Variants in PRRG1 observed in about 807,000 individuals in gnomAD.
PRRG1 encodes the protein proline rich and Gla domain 1, also known as transmembrane gamma-carboxyglutamic acid protein 1.
Under a neutral mutation model 11.8 loss-of-function variants are expected in PRRG1, and 5 were observed. The observed-to-expected ratio is 0.42, with a 90% CI of 0.22 to 0.89. PRRG1 has a LOEUF of 0.89. PRRG1 is among the 40% of genes least tolerant of loss of function. The pLI is 0.28. For missense variants in PRRG1, 155 were observed against 166.1 expected, an observed-to-expected ratio of 0.93 and a Z score of 0.37; for synonymous variants, 66 against 60.4, an observed-to-expected ratio of 1.09 and a Z score of -0.43.
chrX:37,438,109 G>C (rs1042438276), intron 3 of PRRG1, among the ~76,000 whole-genome samples: 3 of 110,559 alleles, frequency 2.7e-5, no homozygotes, highest in Non-Finnish European at 5.7e-5. Context: ...CTACTCGAGA[G>C]GGGGAAGCAG....
chrX:37,403,185 G>A (rs1424470407), intron 1 of PRRG1, among the ~76,000 whole-genome samples: 14 of 109,835 alleles, frequency 1.3e-4, no homozygotes, highest in Non-Finnish European at 1.5e-4. Context: ...GCACACGTAT[G>A]TTTATTGTGG....
At chrX:37,446,667 A>C (rs1462039360) in intron 3 of PRRG1, among the ~76,000 whole-genome samples, 2 of 111,224 alleles carry the variant, frequency 1.8e-5, no homozygotes, top group Admixed American at 9.7e-5. Flanking sequence ...AGACTAATTT[A>C]TAGAGAGGAG....
chrX:37,426,430 CCT>C (rs1932774862), intron 3 of PRRG1, among the ~76,000 whole-genome samples: 1 of 111,872 alleles, frequency 8.9e-6, no homozygotes, highest in Admixed American at 9.5e-5. Context: ...CGAGAATACT[CCT>C]CTTTACTTCT....
chrX:37,366,853 GT>G (rs1930585983), intron 1 of PRRG1, among the ~76,000 whole-genome samples: 1 of 111,284 alleles, frequency 9.0e-6, no homozygotes, highest in Non-Finnish European at 1.9e-5. Flanking sequence ...TTCTCACATT[GT>G]CAGCCCAAGG....
chrX:37,353,114 T>A (rs1930125167), intron 1 of PRRG1, among the ~76,000 whole-genome samples: 1 of 111,845 alleles, frequency 8.9e-6, no homozygotes, highest in Non-Finnish European at 1.9e-5. Flanking sequence ...GGGGATGATA[T>A]CTCCACCCAT....
intron 3 of PRRG1, among the ~76,000 whole-genome samples, chrX:37,434,037 T>C (rs782741224): frequency 9.8e-5 from 11 of 112,435 alleles, no homozygotes; most frequent in African/African-American, 2.9e-4. Context: ...CATCTTAATC[T>C]TGGCAGTGAA....
chrX:37,367,129 A>G (rs1930596571), intron 1 of PRRG1, among the ~76,000 whole-genome samples: 1 of 112,012 alleles, frequency 8.9e-6, no homozygotes, highest in Non-Finnish European at 1.9e-5. Context: ...AAACATTTCT[A>G]GTTTGGCATA....
At chrX:37,397,129 G>T (rs900564196) in intron 1 of PRRG1, among the ~76,000 whole-genome samples, 3 of 112,308 alleles carry the variant, frequency 2.7e-5, no homozygotes, top group Non-Finnish European at 5.6e-5. Flanking sequence ...GAATATCTAG[G>T]TATGACCTGG....
chrX:37,378,843 A>G (rs1229817574), intron 1 of PRRG1, among the ~76,000 whole-genome samples: 2 of 110,060 alleles, frequency 1.8e-5, no homozygotes, highest in Non-Finnish European at 3.8e-5. Context: ...AGAGTTATAC[A>G]GCCATTGAGT....
intron 1 of PRRG1, among the ~76,000 whole-genome samples, chrX:37,386,006 C>T (rs956511674): frequency 7.2e-5 from 8 of 111,421 alleles, no homozygotes; most frequent in East Asian, 2.8e-4. Flanking sequence ...GGTGATCCAC[C>T]GGCCTTGGCC....
chrX:37,415,841 C>G (rs1392578994), intron 2 of PRRG1, among the ~76,000 whole-genome samples: 2 of 111,877 alleles, frequency 1.8e-5, no homozygotes, highest in Admixed American at 1.9e-4. Context: ...GCATATGTGA[C>G]AGCATTCTAG....
intron 3 of PRRG1, among the ~76,000 whole-genome samples, chrX:37,430,892 T>C (rs781782892): frequency 8.9e-6 from 1 of 112,043 alleles, no homozygotes; most frequent in Non-Finnish European, 1.9e-5. Context: ...TACCCTTTAA[T>C]AGTCACACCT....
chrX:37,383,499 C>T (rs1320223769), intron 1 of PRRG1, among the ~76,000 whole-genome samples: 1 of 110,935 alleles, frequency 9.0e-6, no homozygotes, highest in Non-Finnish European at 1.9e-5. Context: ...GATTTAGTAT[C>T]TAGTGATGCA....
In PRRG1 at chrX:37,446,282, GGTT is replaced by G. The variant is rs782231838; in HGVS notation, c.172-6852_172-6850del. On this transcript the variant is annotated intron_variant, in intron 3 of 3. Transcript: ENST00000378628. ...TAAGGCAATACTGAATTTTTTGGGG[GGTT>G]GGTGAGTAACAATGTGTCCTATTCC... Among the ~76,000 whole-genome samples, 11 of 111,447 alleles carry G rather than the reference GGTT, an allele frequency of 9.9e-5. No homozygotes were observed. In the East Asian group the frequency reaches 3.1e-3, roughly 31 times the overall value.
chrX:37,390,135 G>T (rs1556376229), intron 1 of PRRG1, among the ~76,000 whole-genome samples: 1 of 111,596 alleles, frequency 9.0e-6, no homozygotes, highest in Non-Finnish European at 1.9e-5. Flanking sequence ...CCACCTTATT[G>T]CTGTGTCCTC....
chrX:37,435,705 C>G (rs781924787), intron 3 of PRRG1, among the ~76,000 whole-genome samples: 1 of 110,748 alleles, frequency 9.0e-6, no homozygotes, highest in East Asian at 2.8e-4. Context: ...TGTCTGACTA[C>G]TATCAAAACA....
rs1180593113 is a variant in PRRG1, at chrX:37,350,941, T to C, written c.-42+1546T>C. Among the ~76,000 whole-genome samples the C allele has an allele frequency of 2.7e-5, 3 of 110,912 alleles. No homozygotes were observed. In the East Asian group the frequency reaches 8.5e-4, roughly 31 times the overall value. ...AGGGCGGGGAGTGTTAGGGATGCCT[T>C]TTCTCTTTTCTAGTGCCTGATGAAC... On this transcript the variant is annotated intron_variant, in intron 1 of 3. Transcript: ENST00000378628.
chrX:37,441,138 T>A, intron 3 of PRRG1: 1 of 799,071 alleles, frequency 1.3e-6, no homozygotes, highest in Non-Finnish European at 1.5e-6. Flanking sequence ...GAAGGAGCTA[T>A]TATACCAGAA....
At chrX:37,361,290 C>T (rs982693836) in intron 1 of PRRG1, among the ~76,000 whole-genome samples, 5 of 107,341 alleles carry the variant, frequency 4.7e-5, no homozygotes, top group African/African-American at 1.4e-4. Flanking sequence ...TGCAGTGAGC[C>T]GAGATGGTGC....
Sources: allele counts gnomAD v4.1 joint callset (sites outside exome capture counted in the v4.1 genomes callset), GRCh38; gene constraint gnomAD v4.1.1; transcripts MANE v1.5; gene names NCBI Gene and HGNC (gene_info 2026-07-23, HGNC 2026-07-21).